Variants in C11orf97 observed in about 807,000 individuals in gnomAD.
C11orf97 encodes the protein uncharacterized protein C11orf97.
In C11orf97, 15 loss-of-function variants were observed where a neutral mutation model predicts 16.2. The observed-to-expected ratio is 0.93, with a 90% confidence interval of 0.62 to 1.43. The LOEUF is 1.43. Ranked by LOEUF, C11orf97 falls within the 40% of genes most tolerant of loss-of-function variation. C11orf97 has a pLI of 0.00. For synonymous variants in C11orf97, 61 were observed against 65.7 expected (o/e 0.93, Z 0.34); for missense variants, 171 against 161.2 (o/e 1.06, Z -0.33).
intron 1 of C11orf97, among the ~76,000 whole-genome samples, chr11:94,513,729 T>C (rs147110185): frequency 1.2e-3 from 181 of 152,336 alleles, no homozygotes; most frequent in African/African-American, 4.2e-3. Flanking sequence ...TTTGTTATTA[T>C]TATCAGCAGC....
intron 1 of C11orf97, among the ~76,000 whole-genome samples, chr11:94,513,894 G>C (rs1947587500): frequency 6.6e-6 from 1 of 152,188 alleles, no homozygotes; most frequent in Admixed American, 6.5e-5. Flanking sequence ...CTGCAACTCA[G>C]CCTCCTGGGT....
chr11:94,527,631 T>C (rs941893026), intron 2 of C11orf97, among the ~76,000 whole-genome samples: 1 of 152,252 alleles, frequency 6.6e-6, no homozygotes, highest in African/African-American at 2.4e-5. Context: ...ATCTAGTTTG[T>C]GGCTTTTAGA....
At chr11:94,525,675 A>T (rs551088557) in intron 2 of C11orf97, among the ~76,000 whole-genome samples, 577 of 152,368 alleles carry the variant, frequency 3.8e-3, no homozygotes, top group Non-Finnish European at 6.2e-3. Flanking sequence ...GACATAAATT[A>T]AAATTACTTA....
At chr11:94,517,003 A>T (rs1196002990) in intron 1 of C11orf97, among the ~76,000 whole-genome samples, 1 of 152,224 alleles carries the variant, frequency 6.6e-6, no homozygotes, top group Non-Finnish European at 1.5e-5. Flanking sequence ...ATGTAGCTAC[A>T]GTGTTTAAAA....
intron 2 of C11orf97, among the ~76,000 whole-genome samples, chr11:94,521,818 C>T (rs894901890): frequency 1.3e-5 from 2 of 152,112 alleles, no homozygotes; most frequent in South Asian, 2.1e-4. Flanking sequence ...ACCCCCAATC[C>T]CATTGGCTTT....
At chr11:94,525,412 A>G (rs1947692215) in intron 2 of C11orf97, among the ~76,000 whole-genome samples, 1 of 152,262 alleles carries the variant, frequency 6.6e-6, no homozygotes, top group Admixed American at 6.5e-5. Context: ...ATGTAAACTT[A>G]ATTTTGAATC....
chr11:94,518,450 G>A (rs1947631542), intron 2 of C11orf97, among the ~76,000 whole-genome samples: 1 of 152,082 alleles, frequency 6.6e-6, no homozygotes, highest in African/African-American at 2.4e-5. Flanking sequence ...TTTCCCAGGT[G>A]ATATTGATGC....
Position 94,528,151 on chromosome 11 carries a change from G to C in C11orf97, c.318G>C (p.Pro106=). 6.5e-7 allele frequency: 1 copy of C among 1,535,982 alleles called. No homozygotes were observed. The highest frequency in any genetic ancestry group is 8.7e-7 in the Non-Finnish European group (1 of 1,146,820). The part of the protein sequence containing the change: ...LPVGGLKPGL[P]SRNSLLPQAK... ...TGGGAGGCTTGAAGCCAGGACTGCC[G>C]AGCAGAAACAGTTTATTGCCACAAG... The change falls in exon 3 of 4, where the codon CCG becomes CCC. Residue 106 remains proline (P), a synonymous_variant. Transcript: ENST00000542198.
intron 2 of C11orf97, 147 bp from the exon 3 acceptor site, chr11:94,527,937 G>A (rs904377890): frequency 7.3e-6 from 5 of 681,506 alleles, no homozygotes; most frequent in Non-Finnish European, 1.2e-5. Flanking sequence ...TTAAACATAT[G>A]ATAAAGATTT....
chr11:94,531,463 G>A (rs565350578), intron 3 of C11orf97, among the ~76,000 whole-genome samples: 72 of 121,116 alleles, frequency 5.9e-4, no homozygotes, highest in African/African-American at 2.2e-3. Context: ...ACAAACAAAC[G>A]GTAATGGTTG....
intron 2 of C11orf97, among the ~76,000 whole-genome samples, chr11:94,521,597 T>G (rs1259411262): frequency 1.3e-5 from 2 of 152,208 alleles, no homozygotes; most frequent in African/African-American, 4.8e-5. Context: ...CCATATTTCT[T>G]TACATACTTC....
intron 2 of C11orf97, among the ~76,000 whole-genome samples, chr11:94,527,726 T>G (rs549978464): frequency 1.3e-4 from 20 of 152,344 alleles, no homozygotes; most frequent in Middle Eastern, 6.8e-3. Context: ...AAATATTTTC[T>G]CTTACTGTAG....
chr11:94,512,756 G>A (rs1198415225), intron 1 of C11orf97, 83 bp downstream of exon 1: 2 of 1,219,138 alleles, frequency 1.6e-6, no homozygotes, highest in Non-Finnish European at 2.0e-6. Flanking sequence ...AAACCGCAGT[G>A]GGACTGGCTG....
At chr11:94,520,547 C>T (rs1947649984) in intron 2 of C11orf97, among the ~76,000 whole-genome samples, 1 of 152,168 alleles carries the variant, frequency 6.6e-6, no homozygotes, top group Non-Finnish European at 1.5e-5. Flanking sequence ...CTTGGATGTC[C>T]AATAGGCCTC....
In C11orf97 at chr11:94,517,610, A is replaced by G. The variant is rs1392747681; in HGVS notation, c.173A>G (p.His58Arg). ...QWKKFLYCEP[H>R]KRIKEVLEEE... Reference sequence around the variant, plus strand: ...AAGAAATTTTTATATTGTGAGCCACATAAGAGAATTAAGGAAGTACTGGAA... The same window carrying G: ...AAGAAATTTTTATATTGTGAGCCACGTAAGAGAATTAAGGAAGTACTGGAA... The change falls in exon 2 of 4, where the codon CAT becomes CGT. Residue 58 changes from histidine to arginine, a missense_variant. Coordinates refer to ENST00000542198, the MANE Select transcript of C11orf97 (RefSeq NM_001190462.2). 1 of 1,531,018 alleles carries G rather than the reference A, an allele frequency of 6.5e-7. No individual in the cohort carries two copies. Among genetic ancestry groups the G allele is most frequent in the Non-Finnish European group, 8.7e-7 (1 of 1,145,126 alleles). The allele number at this position is 1,531,018 out of a possible 1,614,324, so 94.8% of individuals were successfully genotyped here. A position where few individuals can be genotyped will look rare whatever the true frequency, so the allele number is the denominator to read the frequency against.
chr11:94,516,450 C>T (rs980159756), intron 1 of C11orf97, among the ~76,000 whole-genome samples: 1 of 152,192 alleles, frequency 6.6e-6, no homozygotes, highest in Admixed American at 6.5e-5. Context: ...TTAGTTAGAG[C>T]TCCAATTTAT....
chr11:94,524,760 A>G (rs867483659), intron 2 of C11orf97, among the ~76,000 whole-genome samples: 8 of 152,286 alleles, frequency 5.3e-5, no homozygotes, highest in Middle Eastern at 3.4e-3. Context: ...ACTTTTCAAA[A>G]AGAAAAATGT....
At chr11:94,522,748 T>C (rs1292805102) in intron 2 of C11orf97, among the ~76,000 whole-genome samples, 1 of 152,230 alleles carries the variant, frequency 6.6e-6, no homozygotes, top group African/African-American at 2.4e-5. Context: ...TGTTGACCCA[T>C]ATGCCAGGTT....
intron 2 of C11orf97, among the ~76,000 whole-genome samples, chr11:94,527,789 G>C (rs1382449506): frequency 6.6e-6 from 1 of 152,144 alleles, no homozygotes; most frequent in East Asian, 1.9e-4. Flanking sequence ...TTTATTAACT[G>C]TTATTTCTGA....
Sources: allele counts gnomAD v4.1 joint callset (sites outside exome capture counted in the v4.1 genomes callset), GRCh38; gene constraint gnomAD v4.1.1; transcripts MANE v1.5; gene names NCBI Gene and HGNC (gene_info 2026-07-23, HGNC 2026-07-21).